The following CACNA2D3 variants were observed in gnomAD, a reference collection of about 807,000 sequenced individuals.
CACNA2D3 encodes voltage-dependent calcium channel subunit alpha-2/delta-3.
CACNA2D3 carries 60 observed loss-of-function variants against 160.6 expected under a neutral mutation model. The ratio of observed to expected loss-of-function variants is 0.37; its 90% CI spans 0.30 to 0.46. The LOEUF is 0.46. Among genes scored for constraint, CACNA2D3 ranks in the 20% least tolerant of loss-of-function variants. CACNA2D3 has a pLI of 1.00. For missense variants in CACNA2D3, 1,205 were observed against 1,365.0 expected (o/e 0.88, Z 1.85); for synonymous variants, 558 against 492.9 (o/e 1.13, Z -1.75).
At chr3:54,682,783 G>A (rs1700379548) in intron 11 of CACNA2D3, among the ~76,000 whole-genome samples, 1 of 152,164 alleles carries the variant, frequency 6.6e-6, no homozygotes, top group African/African-American at 2.4e-5. Flanking sequence ...AAGGTCATCA[G>A]TGTGATTCCC....
intron 9 of CACNA2D3, among the ~76,000 whole-genome samples, chr3:54,591,573 T>TG: frequency 6.6e-6 from 1 of 150,398 alleles, no homozygotes; most frequent in African/African-American, 2.5e-5. Flanking sequence ...AAAAGTTTTT[T>TG]TTTTTTTTTT....
At chr3:54,736,116 T>TATATAC (rs796503735) in intron 11 of CACNA2D3, among the ~76,000 whole-genome samples, 5,427 of 31,870 alleles carry the variant, frequency 0.17, 1,260 homozygotes, top group Non-Finnish European at 0.23. Context: ...TATGTATATA[T>TATATAC]ATACATATAT....
intron 18 of CACNA2D3, among the ~76,000 whole-genome samples, chr3:54,878,000 C>T (rs1699703260): frequency 6.6e-6 from 1 of 152,162 alleles, no homozygotes. Flanking sequence ...AAAAAAATAT[C>T]TAGAGTAAAA....
chr3:54,852,126 G>T (rs1454769455), intron 17 of CACNA2D3, among the ~76,000 whole-genome samples: 3 of 152,218 alleles, frequency 2.0e-5, no homozygotes, highest in African/African-American at 4.8e-5. Context: ...AGCCTCCTCT[G>T]CCGTGGCCAC....
At chr3:55,043,487 T>TA (rs201716564) in intron 35 of CACNA2D3, among the ~76,000 whole-genome samples, 14 of 151,354 alleles carry the variant, frequency 9.2e-5, no homozygotes, top group South Asian at 6.3e-4. Flanking sequence ...TTGCTCATTT[T>TA]AAAAAAAAAG....
rs1174829192 is a variant in CACNA2D3, at chr3:54,896,983, C to G, written c.2368+113C>G. The G allele has an allele frequency of 1.7e-5, 23 of 1,357,714 alleles. No homozygotes were observed. Among genetic ancestry groups the G allele is most frequent in the Non-Finnish European group, 2.2e-5 (21 of 960,880 alleles). The allele number at this position is 1,357,714 out of a possible 1,614,324, so 84.1% of individuals were successfully genotyped here. A position where few individuals can be genotyped will look rare whatever the true frequency, so the allele number is the denominator to read the frequency against. ...GCTGAAAGGAACCAAGTTCAACCCT[C>G]AGAGCCAGTGCTGAATATTGGGTCA... On this transcript the variant is annotated intron_variant, in intron 26 of 37. Coordinates refer to ENST00000474759, the MANE Select transcript of CACNA2D3 (RefSeq NM_018398.3).
chr3:54,974,382 G>A (rs1702337312), intron 29 of CACNA2D3, among the ~76,000 whole-genome samples: 1 of 152,224 alleles, frequency 6.6e-6, no homozygotes, highest in Admixed American at 6.5e-5. Context: ...GACTCGGAGT[G>A]TTAGAAAGAC....
intron 3 of CACNA2D3, among the ~76,000 whole-genome samples, chr3:54,322,151 G>A (rs1704016979): frequency 6.6e-6 from 1 of 152,188 alleles, no homozygotes; most frequent in South Asian, 2.1e-4. Flanking sequence ...TGACACAGAG[G>A]TCCAGCCAGC....
In CACNA2D3 at chr3:54,869,291, G is replaced by A. The variant is rs185729774; in HGVS notation, c.1627-2248G>A. Among the ~76,000 whole-genome samples the A allele has an allele frequency of 8.7e-4, 132 of 152,264 alleles. 1 individual carries two copies. Among genetic ancestry groups the A allele is most frequent in the Middle Eastern group, 6.8e-3 (2 of 294 alleles). On this transcript the variant is annotated intron_variant, in intron 17 of 37. Coordinates refer to ENST00000474759, the MANE Select transcript of CACNA2D3 (RefSeq NM_018398.3). ...AGCTATGCGATCTTATTTAACTTGTGATTTAATTTATTTAACTTGTGAGAA... is the reference window on the plus strand; with the variant it reads ...AGCTATGCGATCTTATTTAACTTGTAATTTAATTTATTTAACTTGTGAGAA...
chr3:54,790,827 C>G (rs528256517), intron 13 of CACNA2D3, among the ~76,000 whole-genome samples: 4 of 152,132 alleles, frequency 2.6e-5, no homozygotes, highest in Non-Finnish European at 5.9e-5. Context: ...AGGGGCTTTT[C>G]TTTCTTGGCC....
chr3:54,291,463 G>T (rs1309363220), intron 2 of CACNA2D3, among the ~76,000 whole-genome samples: 1 of 152,048 alleles, frequency 6.6e-6, no homozygotes. Flanking sequence ...TGGTGAAAGC[G>T]CAAATCACAG....
intron 4 of CACNA2D3, among the ~76,000 whole-genome samples, chr3:54,483,009 CCA>C (rs1575481794): frequency 6.6e-6 from 1 of 152,122 alleles, no homozygotes; most frequent in East Asian, 1.9e-4. Context: ...ACTGTTCCCA[CCA>C]CCTTAACATG....
At chr3:54,306,372 A>G (rs890601988) in intron 2 of CACNA2D3, among the ~76,000 whole-genome samples, 1 of 150,046 alleles carries the variant, frequency 6.7e-6, no homozygotes, top group South Asian at 2.1e-4. Context: ...TTAGTATTCT[A>G]GGATTCTTCA....
chr3:54,569,684 G>A lies in CACNA2D3; in HGVS notation c.677-111G>A, dbSNP rs933074632. 6.0e-5 allele frequency: 52 copies of A among 870,310 alleles called. 1 individual carries two copies. The South Asian group carries it at 6.7e-4, about 11-fold the overall frequency. The allele number at this position is 870,310 out of a possible 1,614,324, so 53.9% of individuals were successfully genotyped here. A position where few individuals can be genotyped will look rare whatever the true frequency, so the allele number is the denominator to read the frequency against. ...GTGATGAGCTCTGGGGTTGGTCTTT[G>A]CATGTGATTTTTCACCCTGTCCATT... On this transcript the variant is annotated intron_variant, in intron 6 of 37. Coordinates refer to ENST00000474759, the MANE Select transcript of CACNA2D3 (RefSeq NM_018398.3).
intron 17 of CACNA2D3, 123 bp from the exon 18 acceptor site, chr3:54,871,415 TC>T: frequency 1.5e-6 from 1 of 652,418 alleles, no homozygotes. Context: ...GCTGGGCTTC[TC>T]ACCCTCATCG....
chr3:54,254,446 C>T (rs1702256606), intron 2 of CACNA2D3, among the ~76,000 whole-genome samples: 1 of 152,168 alleles, frequency 6.6e-6, no homozygotes, highest in Non-Finnish European at 1.5e-5. Context: ...TGGAGGAGTG[C>T]AGTGAGGTAT....
intron 2 of CACNA2D3, among the ~76,000 whole-genome samples, chr3:54,303,818 G>GTTTTTTTTTTTTTT (rs71617795): frequency 6.1e-5 from 7 of 115,002 alleles, no homozygotes; most frequent in South Asian, 2.8e-4. Context: ...CTTTTTTTCT[G>GTTTTTTTTTTTTTT]TTTTTTTTTT....
intron 4 of CACNA2D3, among the ~76,000 whole-genome samples, chr3:54,464,937 G>C (rs1481564000): frequency 6.6e-6 from 1 of 152,066 alleles, no homozygotes; most frequent in Non-Finnish European, 1.5e-5. Flanking sequence ...CATTTTCTAT[G>C]CCTTTTCCCA....
chr3:54,956,567 C>T (rs1214103366), intron 27 of CACNA2D3, among the ~76,000 whole-genome samples: 1 of 152,138 alleles, frequency 6.6e-6, no homozygotes, highest in African/African-American at 2.4e-5. Flanking sequence ...ACTTTCTCCC[C>T]CACTCCCTCT....
Sources: allele counts gnomAD v4.1 joint callset (sites outside exome capture counted in the v4.1 genomes callset), GRCh38; gene constraint gnomAD v4.1.1; transcripts MANE v1.5; gene names NCBI Gene and HGNC (gene_info 2026-07-23, HGNC 2026-07-21).